Variants in STOM observed in about 807,000 individuals in gnomAD.
The protein encoded by STOM is erythrocyte band 7 integral membrane protein.
A neutral mutation model predicts 30.6 loss-of-function variants in STOM; 25 were observed. The ratio of observed to expected loss-of-function variants is 0.82; its 90% CI spans 0.60 to 1.14. The LOEUF (loss-of-function observed/expected upper bound fraction) is 1.14. STOM is among the 50% of genes most tolerant of loss of function. STOM has a pLI of 0.00. For missense variants in STOM, 292 were observed against 365.2 expected (o/e 0.80, Z 1.63); for synonymous variants, 118 against 130.8 (o/e 0.90, Z 0.67).
At chr9:121,347,343 G>A (rs949109690) in intron 6 of STOM, among the ~76,000 whole-genome samples, 5 of 152,158 alleles carry the variant, frequency 3.3e-5, no homozygotes, top group Non-Finnish European at 7.3e-5. Flanking sequence ...TCTTTTCTAG[G>A]TTAGGTTAAC....
In STOM at chr9:121,341,205, G is replaced by A. The variant is rs917443126; in HGVS notation, c.864C>T (p.Gly288=). Residue 288 remains glycine, a synonymous_variant, in exon 7 of 7, where the codon GGC becomes GGT. Transcript: ENST00000286713. ...GIIGAKHSHL[G] is the part of the protein sequence containing the mutation. ...AAGGCTAGCGCTCATCTCTACACTAGCCTAGATGGCTGTGTTTTGCCCCTA... is the reference window on the plus strand; with the variant it reads ...AAGGCTAGCGCTCATCTCTACACTAACCTAGATGGCTGTGTTTTGCCCCTA... 4 of 1,613,984 alleles carry A rather than the reference G, an allele frequency of 2.5e-6. No individual in the cohort carries two copies. The highest frequency in any genetic ancestry group is 2.7e-5 in the African/African-American group (2 of 74,902).
intron 1 of STOM, among the ~76,000 whole-genome samples, chr9:121,362,549 T>C (rs1275149509): frequency 2.0e-5 from 3 of 152,242 alleles, no homozygotes; most frequent in East Asian, 3.8e-4. Flanking sequence ...GCTTATTTCC[T>C]GTGTAAGTTA....
chr9:121,340,898 T>TGAG lies in STOM; in HGVS notation c.*303_*304insCTC, dbSNP rs1363777453. 7.5e-6 allele frequency: 9 copies of TGAG among 1,193,662 alleles called. No homozygotes were observed. In the African/African-American group the frequency reaches 1.1e-4, roughly 15 times the overall value. 73.9% of individuals were successfully genotyped at this position (1,193,662 alleles called of 1,614,324 possible). ...ACAGCCCAGGTTCTTGCCTCTGGCC[T>TGAG]GGGTGCTTAGGGGGTTCAGAATGAG... On this transcript the variant is annotated 3_prime_UTR_variant, in exon 7 of 7. Transcript: ENST00000286713.
chr9:121,349,436 G>A, intron 4 of STOM, 113 bp from the exon 5 acceptor site: 1 of 813,182 alleles, frequency 1.2e-6, no homozygotes, highest in Non-Finnish European at 1.9e-6. Context: ...TCTTTAGTAA[G>A]GCATCAGAAA....
In STOM at chr9:121,358,140, TA is replaced by T. The variant is rs35222551; in HGVS notation, c.62-1985del. ...ACATAGGGAGACTCTGTCTCTACTT[TA>T]AAAAAAAAAAAAATAATAATAATAA... is the stretch of plus-strand genomic sequence containing the variant. On this transcript the variant is annotated intron_variant, in intron 1 of 6. Coordinates refer to ENST00000286713, the MANE Select transcript of STOM (RefSeq NM_004099.6). Among the ~76,000 whole-genome samples, 1,216 of 134,554 alleles carry T rather than the reference TA, an allele frequency of 9.0e-3. 14 individuals are homozygous for T. The highest frequency in any genetic ancestry group is 0.023 in the African/African-American group (884 of 37,812). The allele number at this position is 134,554 out of a possible 152,430, so 88.3% of individuals were successfully genotyped here.
intron 6 of STOM, among the ~76,000 whole-genome samples, chr9:121,344,410 C>A (rs2064272148): frequency 6.6e-5 from 10 of 152,142 alleles, no homozygotes. Context: ...CCAATCAATA[C>A]ACAATCGCTT....
chr9:121,352,959 G>A (rs2064351803), intron 4 of STOM, among the ~76,000 whole-genome samples: 1 of 152,122 alleles, frequency 6.6e-6, no homozygotes, highest in Non-Finnish European at 1.5e-5. Context: ...CGGGCGTGGT[G>A]GCGCACATCT....
chr9:121,352,220 G>A (rs2064345714), intron 4 of STOM, among the ~76,000 whole-genome samples: 1 of 152,066 alleles, frequency 6.6e-6, no homozygotes, highest in Admixed American at 6.5e-5. Context: ...AATCCTTTCT[G>A]AAGTACTTAT....
chr9:121,370,195 G>A lies in STOM; in HGVS notation c.-8C>T, dbSNP rs1014107708. ...GTGCCGCTTCTCGGCCATGCTGCCCGAGACGCAGTCGCACTCCCCCGTCCT... is the reference window on the plus strand; with the variant it reads ...GTGCCGCTTCTCGGCCATGCTGCCCAAGACGCAGTCGCACTCCCCCGTCCT... On this transcript the variant is annotated 5_prime_UTR_variant, in exon 1 of 7. Coordinates refer to ENST00000286713, the MANE Select transcript of STOM (RefSeq NM_004099.6). The A allele has an allele frequency of 4.5e-6, 7 of 1,546,892 alleles. No individual in the cohort carries two copies. In the African/African-American group the frequency reaches 9.6e-5, roughly 21 times the overall value.
intron 1 of STOM, 100 bp downstream of exon 1, chr9:121,370,027 G>GCAGCCAGCCAGC: frequency 1.8e-6 from 2 of 1,141,414 alleles, no homozygotes; most frequent in East Asian, 2.6e-5. Flanking sequence ...CCAGCCCGAA[G>GCAGCCAGCCAGC]CAGCGGAGAC....
At chr9:121,355,322 AG>A (rs1279014316) in intron 2 of STOM, among the ~76,000 whole-genome samples, 2 of 149,448 alleles carry the variant, frequency 1.3e-5, no homozygotes, top group Non-Finnish European at 3.0e-5. Context: ...TGGGAGGCGG[AG>A]GTTGCAGTGA....
chr9:121,353,543 C>T (rs559080872), intron 3 of STOM, among the ~76,000 whole-genome samples: 4 of 152,296 alleles, frequency 2.6e-5, no homozygotes, highest in East Asian at 1.9e-4. Flanking sequence ...TTCTCCCCAC[C>T]GCCCCACTGG....
At chr9:121,368,883 T>C (rs975680200) in intron 1 of STOM, among the ~76,000 whole-genome samples, 29 of 148,970 alleles carry the variant, frequency 1.9e-4, no homozygotes, top group Non-Finnish European at 3.2e-4. Flanking sequence ...GAGGTTGCAG[T>C]GAGCGGAGAT....
intron 6 of STOM, among the ~76,000 whole-genome samples, chr9:121,346,409 G>C (rs2064290220): frequency 6.6e-6 from 1 of 152,220 alleles, no homozygotes; most frequent in Non-Finnish European, 1.5e-5. Flanking sequence ...TTAATTACTA[G>C]CATGGGAATA....
intron 1 of STOM, among the ~76,000 whole-genome samples, chr9:121,367,225 G>C (rs184263011): frequency 7.9e-5 from 12 of 152,248 alleles, no homozygotes; most frequent in Admixed American, 3.9e-4. Flanking sequence ...AGTTACAATA[G>C]TTTTCAGGAA....
chr9:121,370,051 G>A (rs2064549138), intron 1 of STOM, 76 bp downstream of exon 1: 5 of 1,380,028 alleles, frequency 3.6e-6, no homozygotes, highest in Admixed American at 4.2e-5. Context: ...CCAGGAGCCC[G>A]GCTGTCAGAC....
intron 1 of STOM, among the ~76,000 whole-genome samples, chr9:121,358,961 C>A (rs1245166629): frequency 6.6e-6 from 1 of 152,174 alleles, no homozygotes. Context: ...ACTCCCATCA[C>A]CTCAGTGTTG....
intron 4 of STOM, among the ~76,000 whole-genome samples, chr9:121,352,949 C>T (rs766291236): frequency 3.9e-5 from 6 of 151,944 alleles, no homozygotes; most frequent in East Asian, 1.9e-4. Flanking sequence ...AAAAATTAGC[C>T]GGGCGTGGTG....
chr9:121,368,319 T>G (rs1233139995), intron 1 of STOM, among the ~76,000 whole-genome samples: 1 of 152,156 alleles, frequency 6.6e-6, no homozygotes, highest in Non-Finnish European at 1.5e-5. Flanking sequence ...AAATAAACAT[T>G]AAGTACAAAG....
Sources: allele counts gnomAD v4.1 joint callset (sites outside exome capture counted in the v4.1 genomes callset), GRCh38; gene constraint gnomAD v4.1.1; transcripts MANE v1.5; gene names NCBI Gene and HGNC (gene_info 2026-07-23, HGNC 2026-07-21).